ATAD2B: variants seen among roughly 807,000 people sequenced by gnomAD.
ATAD2B encodes the protein ATPase family AAA domain containing 2B.
A neutral mutation model predicts 167.6 loss-of-function variants in ATAD2B; 40 were observed. That is an observed-to-expected ratio of 0.24 (90% CI 0.19 to 0.31). The LOEUF (loss-of-function observed/expected upper bound fraction) is 0.31. Ranked by LOEUF, ATAD2B falls within the 10% of genes least tolerant of loss-of-function variation. ATAD2B has a pLI of 1.00. For missense variants in ATAD2B, 1,242 were observed against 1,757.2 expected, an observed-to-expected ratio of 0.71 and a Z score of 5.24; for synonymous variants, 579 against 596.5, an observed-to-expected ratio of 0.97 and a Z score of 0.43.
At chr2:23,831,442 C>T (rs1219508442) in intron 14 of ATAD2B, among the ~76,000 whole-genome samples, 1 of 152,154 alleles carries the variant, frequency 6.6e-6, no homozygotes, top group Non-Finnish European at 1.5e-5. Flanking sequence ...AACCATAGGA[C>T]TGAGACACTG....
chr2:23,848,055 C>A (rs1272498125), intron 13 of ATAD2B, among the ~76,000 whole-genome samples: 1 of 150,830 alleles, frequency 6.6e-6, no homozygotes, highest in African/African-American at 2.4e-5. Flanking sequence ...CACTTGCAGG[C>A]CCACACTGTA....
At chr2:23,736,900 G>A in the ATAD2B span, among the ~76,000 whole-genome samples, 5 of 152,194 alleles carry the variant, frequency 3.3e-5, no homozygotes, top group Non-Finnish European at 5.9e-5. Flanking sequence ...ATTATATCCC[G>A]CACCTGGCTC....
At position 23,754,749 on chromosome 2, in the gene ATAD2B, A is replaced by G. The variant is rs760044214; in HGVS notation, c.4104T>C (p.Arg1368=). Residue 1368 remains arginine, a synonymous_variant, in exon 26 of 28, where the codon CGT becomes CGC. Coordinates refer to ENST00000238789, the MANE Select transcript of ATAD2B (RefSeq NM_017552.4). ...TTTTTGCCTGCTCTAAAATTAATTTACGGTATTTCTTTACTTTAGAAGCAC... is the reference window on the plus strand; with the variant it reads ...TTTTTGCCTGCTCTAAAATTAATTTGCGGTATTTCTTTACTTTAGAAGCAC... ...KEGASKVKKY[R]KLILEQAKTT... is the part of the protein sequence containing the mutation. 3 of 1,612,676 alleles carry G rather than the reference A, an allele frequency of 1.9e-6. No individual in the cohort carries two copies. The highest frequency in any genetic ancestry group is 3.3e-4 in the Middle Eastern group (2 of 6,048).
intron 22 of ATAD2B, among the ~76,000 whole-genome samples, chr2:23,776,065 G>A (rs1477564999): frequency 5.3e-5 from 8 of 152,102 alleles, no homozygotes; most frequent in African/African-American, 7.2e-5. Flanking sequence ...GCAGTGAGCC[G>A]AGATCACGCC....
At chr2:23,682,790 C>T in the ATAD2B span, among the ~76,000 whole-genome samples, 1 of 152,192 alleles carries the variant, frequency 6.6e-6, no homozygotes, top group East Asian at 1.9e-4. This position sits in a 1 kb window ranked among gnomAD's most constrained non-coding sequence, Gnocchi z 4.1. Flanking sequence ...CACGTAGATC[C>T]TTCCTGAAGT....
At chr2:23,868,439 T>G (rs1465427260) in intron 9 of ATAD2B, among the ~76,000 whole-genome samples, 3 of 152,154 alleles carry the variant, frequency 2.0e-5, no homozygotes, top group Non-Finnish European at 4.4e-5. Context: ...TAGCTGGAAC[T>G]ACAGGCAGGC....
intron 18 of ATAD2B, among the ~76,000 whole-genome samples, chr2:23,803,136 T>C (rs902015942): frequency 2.6e-5 from 4 of 152,208 alleles, no homozygotes; most frequent in African/African-American, 7.2e-5. Flanking sequence ...TGTTTTGTTT[T>C]TTAAGAGTGT....
At chr2:23,818,087 C>T (rs1686734031) in intron 17 of ATAD2B, among the ~76,000 whole-genome samples, 1 of 112,114 alleles carries the variant, frequency 8.9e-6, no homozygotes, top group Non-Finnish European at 1.7e-5. Flanking sequence ...AACACACACA[C>T]ACACACATTA....
chr2:23,725,281 C>A, the ATAD2B span, among the ~76,000 whole-genome samples: 1 of 152,102 alleles, frequency 6.6e-6, no homozygotes, highest in Non-Finnish European at 1.5e-5. Context: ...AAGAATTTGT[C>A]ACTACTAGAC....
chr2:23,859,719 A>C (rs966544838), intron 12 of ATAD2B, among the ~76,000 whole-genome samples: 4 of 152,064 alleles, frequency 2.6e-5, no homozygotes, highest in Non-Finnish European at 5.9e-5. Context: ...AGGTCGAGAC[A>C]GGCGGATCTC....
chr2:23,736,811 G>C, the ATAD2B span, among the ~76,000 whole-genome samples: 2 of 152,300 alleles, frequency 1.3e-5, no homozygotes, highest in African/African-American at 4.8e-5. Context: ...AGGGGTGACA[G>C]ACAGCACCTG....
intron 1 of ATAD2B, among the ~76,000 whole-genome samples, chr2:23,914,772 G>A (rs1702801190): frequency 6.6e-6 from 1 of 151,860 alleles, no homozygotes; most frequent in Non-Finnish European, 1.5e-5. Flanking sequence ...AACCCCGGGG[G>A]GCGGAAACTG....
At chr2:23,702,644 T>G in the ATAD2B span, among the ~76,000 whole-genome samples, 20 of 152,322 alleles carry the variant, frequency 1.3e-4, no homozygotes, top group Middle Eastern at 3.4e-3. Flanking sequence ...TATGACCTAT[T>G]GGAGCTGCTG....
At chr2:23,731,003 A>G in the ATAD2B span, among the ~76,000 whole-genome samples, 7 of 152,186 alleles carry the variant, frequency 4.6e-5, no homozygotes, top group African/African-American at 7.2e-5. Context: ...TGAAACAGAG[A>G]TTACAAACTT....
At chr2:23,864,043 G>A (rs1222596493) in intron 11 of ATAD2B, among the ~76,000 whole-genome samples, 4 of 65,358 alleles carry the variant, frequency 6.1e-5, no homozygotes, top group South Asian at 7.5e-4. Flanking sequence ...TTTCTGAGAC[G>A]GAATCCTCAC....
intron 12 of ATAD2B, among the ~76,000 whole-genome samples, chr2:23,860,421 C>A (rs1029858357): frequency 6.6e-6 from 1 of 152,282 alleles, no homozygotes; most frequent in East Asian, 1.9e-4. Flanking sequence ...ATGTTTTCAT[C>A]TGGTACATTT....
intron 19 of ATAD2B, 24 bp from the exon 20 acceptor site, chr2:23,788,671 G>C (rs752088268): frequency 6.6e-7 from 1 of 1,511,806 alleles, no homozygotes; most frequent in South Asian, 1.2e-5. Flanking sequence ...CACACACAAA[G>C]ACATTAAATA....
At chr2:23,872,711 T>G in intron 8 of ATAD2B, 1 of 1,201,994 alleles carries the variant, frequency 8.3e-7, no homozygotes, top group Non-Finnish European at 1.2e-6. Flanking sequence ...AGTTTCTGCT[T>G]TACTGAGATC....
rs1697752995 is a variant in ATAD2B at position 23,880,729 on chromosome 2, C to T, written c.811G>A (p.Glu271Lys). Reference sequence around the variant, plus strand: ...TCTTCTCCTTCTGCCTCTTCAACTTCTATATCTCCATCCTCCTCTTGAGAT... The same window carrying T: ...TCTTCTCCTTCTGCCTCTTCAACTTTTATATCTCCATCCTCCTCTTGAGAT... Reference protein sequence around the residue: ...EESQEEDGDIEVEEAEGEEND... With the variant: ...EESQEEDGDIKVEEAEGEEND... Residue 271 changes from glutamate to lysine, a missense_variant, in exon 7 of 28, where the codon GAA becomes AAA. Glu to Lys is a moderately conservative substitution (Grantham distance 56). Coordinates refer to ENST00000238789, the MANE Select transcript of ATAD2B (RefSeq NM_017552.4). 6.2e-7 allele frequency: 1 copy of T among 1,606,478 alleles called. No homozygotes were observed. The highest frequency in any genetic ancestry group is 8.5e-7 in the Non-Finnish European group (1 of 1,174,868).
Sources: gnomAD v4.1 joint callset for allele counts (sites outside exome capture counted in the v4.1 genomes callset) on GRCh38, gnomAD v4.1.1 for gene constraint, Gnocchi (gnomAD v3.1) non-coding constraint, MANE v1.5 for transcripts, NCBI Gene and HGNC (gene_info 2026-07-23, HGNC 2026-07-21) for gene names.